Variants in COBLL1 observed in about 807,000 individuals in gnomAD.
COBLL1 encodes cordon-bleu WH2 repeat protein like 1.
In COBLL1, 50 loss-of-function variants were observed where a neutral mutation model predicts 94.8. The ratio of observed to expected loss-of-function variants is 0.53; its 90% CI spans 0.42 to 0.67. COBLL1 has a LOEUF of 0.67. COBLL1 is among the 30% of genes least tolerant of loss of function. The pLI is 0.00. For synonymous variants in COBLL1, 448 were observed against 473.8 expected (o/e 0.95, Z 0.71); for missense variants, 1,362 against 1,348.7 (o/e 1.01, Z -0.15).
In COBLL1 at chr2:164,804,617, T is replaced by C. The variant is rs1413954373; in HGVS notation, c.41+36539A>G. On this transcript the variant is annotated intron_variant, in intron 2 of 13. Coordinates refer to ENST00000652658, the MANE Select transcript of COBLL1 (RefSeq NM_001365672.2). ...AAAATGTTGATACAAAGGATAACTG[T>C]CAACTTTGCTATTTTCTTGTGGTTC... Among the ~76,000 whole-genome samples the C allele has an allele frequency of 3.9e-5, 6 of 152,204 alleles. 1 individual carries two copies. Among genetic ancestry groups the C allele is most frequent in the African/African-American group, 1.4e-4 (6 of 41,448 alleles).
In COBLL1 at chr2:164,706,218, A is replaced by G. The variant is rs114505449; in HGVS notation, c.997-1113T>C. Reference sequence around the variant, plus strand: ...GGCCACTTCTCAGAACTCACTTATGAGACCTATTAGCAACATTAAACAAAG... The same window carrying G: ...GGCCACTTCTCAGAACTCACTTATGGGACCTATTAGCAACATTAAACAAAG... On this transcript the variant is annotated intron_variant, in intron 7 of 13. Transcript: ENST00000652658. Among the ~76,000 whole-genome samples, 796 of 152,252 alleles carry G rather than the reference A, an allele frequency of 5.2e-3. 7 individuals are homozygous for G. The highest frequency in any genetic ancestry group is 0.018 in the African/African-American group (749 of 41,540).
intron 2 of COBLL1, among the ~76,000 whole-genome samples, chr2:164,834,239 CCTT>C (rs1317451460): frequency 1.3e-5 from 2 of 152,176 alleles, no homozygotes; most frequent in African/African-American, 4.8e-5. Context: ...GATAAGAACT[CCTT>C]CTACCTTTGG....
Position 164,695,521 on chromosome 2 carries a change from T to C in COBLL1, c.1871A>G (p.Asp624Gly). 1 of 1,613,942 alleles carries C rather than the reference T, an allele frequency of 6.2e-7. No homozygotes were observed. Among genetic ancestry groups the C allele is most frequent in the Non-Finnish European group, 8.5e-7 (1 of 1,179,914 alleles). ...DGKHQDHNLS[D>G]SKVEECVQTS... Reference sequence around the variant, plus strand: ...TTGCACACATTCTTCAACTTTGGAGTCAGATAAATTATGATCTTGGTGTTT... The same window carrying C: ...TTGCACACATTCTTCAACTTTGGAGCCAGATAAATTATGATCTTGGTGTTT... The change falls in exon 12 of 14, where the codon GAC (aspartate) becomes GGC (glycine). Residue 624 changes from aspartate (D) to glycine (G), a missense_variant. Asp to Gly is a moderately conservative substitution (Grantham distance 94). Coordinates refer to ENST00000652658, the MANE Select transcript of COBLL1 (RefSeq NM_001365672.2).
Position 164,700,899 on chromosome 2 carries a change from T to C in COBLL1, c.1226-143A>G. ...TCAAAAATAATAGTGAAGTTCTTTC[T>C]CCTGGTGAGCAGTCACGTTAACATA... On this transcript the variant is annotated intron_variant, in intron 9 of 13. Transcript: ENST00000652658. 4.9e-6 allele frequency: 3 copies of C among 614,800 alleles called. No individual in the cohort carries two copies. The South Asian group carries it at 6.1e-5, about 12-fold the overall frequency. 38.1% of individuals were successfully genotyped at this position (614,800 alleles called of 1,614,324 possible). A position where few individuals can be genotyped will look rare whatever the true frequency, so the allele number is the denominator to read the frequency against.
chr2:164,715,965 C>A (rs1685146406), intron 7 of COBLL1, among the ~76,000 whole-genome samples: 1 of 152,158 alleles, frequency 6.6e-6, no homozygotes, highest in Non-Finnish European at 1.5e-5. Flanking sequence ...ATGAAAAATT[C>A]TCCAAAAGGT....
intron 3 of COBLL1, among the ~76,000 whole-genome samples, chr2:164,737,161 C>T (rs968389471): frequency 5.9e-5 from 9 of 151,838 alleles, no homozygotes; most frequent in Admixed American, 5.3e-4. Context: ...GACCCTGTCT[C>T]TAGAAAAATT....
intron 13 of COBLL1, among the ~76,000 whole-genome samples, chr2:164,687,982 A>C (rs916818514): frequency 2.6e-5 from 4 of 152,216 alleles, no homozygotes; most frequent in African/African-American, 7.2e-5. Flanking sequence ...AATCCACTTA[A>C]ATGTCCACAA....
chr2:164,832,798 C>A (rs995052985), intron 2 of COBLL1, among the ~76,000 whole-genome samples: 2 of 152,158 alleles, frequency 1.3e-5, no homozygotes, highest in African/African-American at 4.8e-5. Flanking sequence ...AATCCCAGCA[C>A]TTTGACAGGC....
chr2:164,735,640 T>C (rs1050768449), intron 3 of COBLL1, among the ~76,000 whole-genome samples: 4 of 152,154 alleles, frequency 2.6e-5, no homozygotes, highest in Admixed American at 6.6e-5. Context: ...TGGGGTTAAC[T>C]AGTCACAAAG....
chr2:164,737,543 C>T (rs1686368940), intron 3 of COBLL1, among the ~76,000 whole-genome samples: 1 of 152,134 alleles, frequency 6.6e-6, no homozygotes, highest in South Asian at 2.1e-4. Context: ...AAAATTTAAG[C>T]ATCTTATATA....
chr2:164,831,511 T>C (rs1160975301), intron 2 of COBLL1, among the ~76,000 whole-genome samples: 1 of 151,824 alleles, frequency 6.6e-6, no homozygotes, highest in African/African-American at 2.4e-5. Flanking sequence ...ACTTTCAGCT[T>C]TGCTCTCCTG....
chr2:164,709,693 G>A (rs1316593436), intron 7 of COBLL1, among the ~76,000 whole-genome samples: 1 of 151,816 alleles, frequency 6.6e-6, no homozygotes, highest in African/African-American at 2.4e-5. Flanking sequence ...CTCCAGCCTA[G>A]GCAACAAGAG....
At position 164,835,032 on chromosome 2, in the gene COBLL1, T is replaced by C. The variant is rs1366344815; in HGVS notation, c.41+6124A>G. ...AGAGAATTGGAACCTCATGTACTTT[T>C]GGTGAATGTAAAATGGTACAACCAC... On this transcript the variant is annotated intron_variant, in intron 2 of 13. Coordinates refer to ENST00000652658, the MANE Select transcript of COBLL1 (RefSeq NM_001365672.2). Among the ~76,000 whole-genome samples, 3 of 151,864 alleles carry C rather than the reference T, an allele frequency of 2.0e-5. No homozygotes were observed. The East Asian group carries it at 5.8e-4, about 29-fold the overall frequency.
rs201295902 is a variant in COBLL1 at position 164,730,097 on chromosome 2, C to T, written c.249G>A (p.Leu83=). 4.3e-6 allele frequency: 7 copies of T among 1,613,600 alleles called. No homozygotes were observed. The African/African-American group carries it at 6.7e-5, about 15-fold the overall frequency. The change falls in exon 4 of 14, where the codon TTG becomes TTA. Residue 83 remains leucine (L), a synonymous_variant. Coordinates refer to ENST00000652658, the MANE Select transcript of COBLL1 (RefSeq NM_001365672.2). ...GATACTGTGCACAAAGGAATATCAA[C>T]AAGTCCATCATAGGTTTACTGTAAA... ...TVHGSKPMMD[L]LIFLCAQYHL... is the part of the protein sequence containing the mutation.
chr2:164,823,499 C>T (rs752439220), intron 2 of COBLL1, among the ~76,000 whole-genome samples: 14 of 152,106 alleles, frequency 9.2e-5, no homozygotes, highest in African/African-American at 2.7e-4. Flanking sequence ...CCTCCTTCAC[C>T]GCAGCAAAGA....
chr2:164,776,808 T>C (rs535143271), intron 2 of COBLL1, among the ~76,000 whole-genome samples: 2 of 152,204 alleles, frequency 1.3e-5, no homozygotes, highest in East Asian at 3.9e-4. Context: ...TGATTAAGTG[T>C]CTTTGGAACA....
intron 3 of COBLL1, among the ~76,000 whole-genome samples, chr2:164,735,411 T>G (rs1360669205): frequency 6.6e-6 from 1 of 152,174 alleles, no homozygotes; most frequent in East Asian, 1.9e-4. Flanking sequence ...TAAATAGGGT[T>G]AAGATCTTTT....
chr2:164,740,070 G>T (rs925547149), intron 3 of COBLL1, among the ~76,000 whole-genome samples: 4 of 152,154 alleles, frequency 2.6e-5, no homozygotes, highest in Admixed American at 1.3e-4. Flanking sequence ...ACTTAAAATA[G>T]AAAATTAGTC....
chr2:164,737,467 G>A (rs943966059), intron 3 of COBLL1, among the ~76,000 whole-genome samples: 5 of 152,016 alleles, frequency 3.3e-5, no homozygotes, highest in African/African-American at 1.2e-4. Context: ...GTTATGTCTA[G>A]GTACTTGCAC....
Sources: allele counts gnomAD v4.1 joint callset (sites outside exome capture counted in the v4.1 genomes callset), GRCh38; gene constraint gnomAD v4.1.1; transcripts MANE v1.5; gene names NCBI Gene and HGNC (gene_info 2026-07-23, HGNC 2026-07-21).